The following IRAK1BP1 variants were observed in gnomAD, a reference collection of about 807,000 sequenced individuals.
The protein encoded by IRAK1BP1 is interleukin-1 receptor-associated kinase 1-binding protein 1.
IRAK1BP1 carries 24 observed loss-of-function variants against 28.0 expected under a neutral mutation model. The ratio of observed to expected loss-of-function variants is 0.86; its 90% CI spans 0.62 to 1.20. The LOEUF (loss-of-function observed/expected upper bound fraction) is 1.20, where lower values mean the gene tolerates loss of function less well. IRAK1BP1 is among the 50% of genes most tolerant of loss of function. IRAK1BP1 has a pLI of 0.00. For missense variants in IRAK1BP1, 336 were observed against 316.7 expected, an observed-to-expected ratio of 1.06 and a Z score of -0.46; for synonymous variants, 131 against 116.3, an observed-to-expected ratio of 1.13 and a Z score of -0.81.
the IRAK1BP1 span, among the ~76,000 whole-genome samples, chr6:78,961,261 A>C: frequency 6.6e-6 from 1 of 151,958 alleles, no homozygotes; most frequent in Non-Finnish European, 1.5e-5. Flanking sequence ...GAATACAGGC[A>C]AAATAAGAAC....
chr6:78,910,024 A>G (rs917796608), intron 4 of IRAK1BP1, among the ~76,000 whole-genome samples: 2 of 152,236 alleles, frequency 1.3e-5, no homozygotes, highest in Admixed American at 1.3e-4. Context: ...GGACACAAGG[A>G]GTCTGAAAGG....
downstream of IRAK1BP1, among the ~76,000 whole-genome samples, chr6:78,907,295 A>G (rs1329041789): frequency 6.6e-6 from 1 of 152,200 alleles, no homozygotes; most frequent in Non-Finnish European, 1.5e-5. Flanking sequence ...ACATTACCAT[A>G]TAATTAGCTT....
At chr6:78,926,125 C>T (rs1414776430) in intron 4 of IRAK1BP1, among the ~76,000 whole-genome samples, 1 of 152,060 alleles carries the variant, frequency 6.6e-6, no homozygotes, top group Non-Finnish European at 1.5e-5. Context: ...AATTAGATAA[C>T]ATCTCACACC....
At position 78,879,330 on chromosome 6, in the gene IRAK1BP1, T is replaced by C. The variant is rs191397849; in HGVS notation, c.316-6048T>C. Among the ~76,000 whole-genome samples the C allele has an allele frequency of 6.4e-4, 97 of 152,126 alleles. 1 individual carries two copies. The South Asian group carries it at 7.9e-3, about 12-fold the overall frequency. On this transcript the variant is annotated intron_variant, in intron 1 of 3. Transcript: ENST00000369940. ...AAACCTGCACGTTGTGCACATGTAC[T>C]GTAGAACTTAAAGTATAATAATAAA...
intron 2 of IRAK1BP1, among the ~76,000 whole-genome samples, chr6:78,897,110 G>C (rs563601006): frequency 1.3e-5 from 2 of 151,136 alleles, no homozygotes; most frequent in South Asian, 4.2e-4. Context: ...TTAATTAGCT[G>C]GGCATGGTGG....
At chr6:78,894,496 A>G (rs1318511881) in intron 2 of IRAK1BP1, among the ~76,000 whole-genome samples, 5 of 151,072 alleles carry the variant, frequency 3.3e-5, no homozygotes, top group African/African-American at 1.2e-4. Context: ...TTTCATAATG[A>G]TAAAAGTCAA....
At chr6:78,943,194 G>T (rs538310056) in intron 4 of IRAK1BP1, among the ~76,000 whole-genome samples, 2 of 151,976 alleles carry the variant, frequency 1.3e-5, no homozygotes, top group Admixed American at 1.3e-4. Context: ...TATATGGCTT[G>T]TATTATATTC....
At chr6:78,945,942 G>C in exon 5 of IRAK1BP1, 1 of 1,281,128 alleles carries the variant, frequency 7.8e-7, no homozygotes, top group Non-Finnish European at 1.1e-6. Flanking sequence ...ATTTGGCAAA[G>C]TAAAAGCTTA....
downstream of IRAK1BP1, chr6:78,947,508 A>C: frequency 1.7e-6 from 1 of 578,990 alleles, no homozygotes; most frequent in Non-Finnish European, 3.0e-6. Flanking sequence ...GGACAACATT[A>C]AGAATGTAAC....
chr6:78,970,934 A>G, the IRAK1BP1 span: 1 of 1,276,598 alleles, frequency 7.8e-7, no homozygotes, highest in Non-Finnish European at 1.1e-6. Flanking sequence ...TGTTTCCTTT[A>G]ATCCAATATA....
intron 2 of IRAK1BP1, among the ~76,000 whole-genome samples, chr6:78,887,098 CT>C (rs1771455642): frequency 6.6e-6 from 1 of 152,092 alleles, no homozygotes; most frequent in Non-Finnish European, 1.5e-5. Context: ...ACACTAGAGC[CT>C]AATGTATAAC....
chr6:78,920,717 T>C (rs573690566), intron 4 of IRAK1BP1, among the ~76,000 whole-genome samples: 1 of 152,250 alleles, frequency 6.6e-6, no homozygotes, highest in East Asian at 1.9e-4. Context: ...ATTCTTGAGA[T>C]GGGCCCTGTT....
At chr6:78,956,958 G>T in the IRAK1BP1 span, 2 of 151,830 alleles carry the variant, frequency 1.3e-5, no homozygotes, top group Non-Finnish European at 2.9e-5. Context: ...TTGAAATTTT[G>T]CCAAATAACT....
At chr6:78,946,043 A>T in exon 5 of IRAK1BP1, 1 of 1,612,288 alleles carries the variant, frequency 6.2e-7, no homozygotes, top group Non-Finnish European at 8.5e-7. Context: ...TTTGTAATAA[A>T]AGTCTTTGCA....
chr6:78,909,031 G>A (rs1463686684), intron 4 of IRAK1BP1, among the ~76,000 whole-genome samples: 1 of 152,184 alleles, frequency 6.6e-6, no homozygotes, highest in Non-Finnish European at 1.5e-5. Flanking sequence ...TAGCATGAAA[G>A]GCCAGTCTTG....
At position 78,901,146 on chromosome 6, in the gene IRAK1BP1, TAAA is replaced by T. The variant is rs1296282076; in HGVS notation, c.*2813_*2815del. On this transcript the variant is annotated 3_prime_UTR_variant, in exon 4 of 4. Transcript: ENST00000369940. ...CTGTATTTGGTTGCATCATATTTGATAAAGAAGCTTCCAACTTAGCATGAAATA... is the reference window on the plus strand; with the variant it reads ...CTGTATTTGGTTGCATCATATTTGATGAAGCTTCCAACTTAGCATGAAATA... 1 of 151,288 alleles carries T rather than the reference TAAA, an allele frequency of 6.6e-6. No individual in the cohort carries two copies. Among genetic ancestry groups the T allele is most frequent in the Non-Finnish European group, 1.5e-5 (1 of 67,818 alleles). The allele number at this position is 151,288 out of a possible 1,614,324, so 9.4% of individuals were successfully genotyped here.
At chr6:78,894,650 A>G (rs1203657754) in intron 2 of IRAK1BP1, among the ~76,000 whole-genome samples, 3 of 152,194 alleles carry the variant, frequency 2.0e-5, no homozygotes, top group Non-Finnish European at 4.4e-5. Flanking sequence ...TCAGTAGTTG[A>G]TAAGACCATA....
At chr6:78,961,722 T>C in the IRAK1BP1 span, 1 of 1,612,686 alleles carries the variant, frequency 6.2e-7, no homozygotes, top group Non-Finnish European at 8.5e-7. Flanking sequence ...TTTGTTTAAT[T>C]GTACTTAGAT....
At chr6:78,970,949 G>A in the IRAK1BP1 span, 3 of 1,102,512 alleles carry the variant, frequency 2.7e-6, no homozygotes, top group South Asian at 1.5e-5. Context: ...AATATACAGG[G>A]TATCAGCTGA....
Sources: gnomAD v4.1 joint callset for allele counts (sites outside exome capture counted in the v4.1 genomes callset) on GRCh38, gnomAD v4.1.1 for gene constraint, MANE v1.5 for transcripts, NCBI Gene and HGNC (gene_info 2026-07-23, HGNC 2026-07-21) for gene names.